The following TMEM196 variants were observed in gnomAD, a reference collection of about 807,000 sequenced individuals.
The protein encoded by TMEM196 is transmembrane protein 196.
TMEM196 carries 17 observed loss-of-function variants against 20.0 expected under a neutral mutation model. The observed-to-expected ratio is 0.85, with a 90% confidence interval of 0.58 to 1.27. The LOEUF is 1.27. Ranked by LOEUF, TMEM196 falls within the 50% of genes most tolerant of loss-of-function variation. The pLI is 0.00. For synonymous variants in TMEM196, 113 were observed against 88.9 expected, an observed-to-expected ratio of 1.27 and a Z score of -1.52; for missense variants, 267 against 223.0, an observed-to-expected ratio of 1.20 and a Z score of -1.26.
At chr7:19,759,116 C>T (rs368756073) in intron 1 of TMEM196, among the ~76,000 whole-genome samples, 6 of 152,312 alleles carry the variant, frequency 3.9e-5, no homozygotes, top group East Asian at 3.9e-4. Flanking sequence ...TATCTCTACA[C>T]GGAACCCATC....
chr7:19,761,197 A>C (rs1451950915), intron 1 of TMEM196, among the ~76,000 whole-genome samples: 2 of 152,200 alleles, frequency 1.3e-5, no homozygotes, highest in Non-Finnish European at 2.9e-5. Context: ...ATTTTAGCAT[A>C]GCGTACATCT....
In TMEM196 at chr7:19,761,164, C is replaced by A. The variant is rs1785420705; in HGVS notation, c.147+11386G>T. On this transcript the variant is annotated intron_variant, in intron 1 of 4. Transcript: ENST00000405844. ...CCTCCTCAGTGGTCTTGGCTTTCAG[C>A]TTTCCCCTCTCCCAGTTCTGCAATT... Among the ~76,000 whole-genome samples the A allele has an allele frequency of 1.3e-5, 2 of 152,322 alleles. 1 individual carries two copies. The highest frequency in any genetic ancestry group is 4.1e-4 in the South Asian group (2 of 4,830).
chr7:19,764,976 T>C (rs1053298298), intron 1 of TMEM196, among the ~76,000 whole-genome samples: 5 of 152,176 alleles, frequency 3.3e-5, no homozygotes, highest in Admixed American at 1.3e-4. Context: ...AGAAAAAGTA[T>C]AGACTTTGAA....
At chr7:19,753,823 A>G (rs1467551691) in intron 1 of TMEM196, among the ~76,000 whole-genome samples, 8 of 152,144 alleles carry the variant, frequency 5.3e-5, no homozygotes, top group African/African-American at 1.9e-4. Flanking sequence ...AGAAACCAAC[A>G]TTCTCTTGGC....
chr7:19,737,783 T>C (rs1784459919), intron 1 of TMEM196, among the ~76,000 whole-genome samples: 1 of 151,938 alleles, frequency 6.6e-6, no homozygotes, highest in Admixed American at 6.6e-5. Flanking sequence ...AGGCAAAGCA[T>C]AGGGTATATA....
At chr7:19,728,449 G>C (rs1784075616) in intron 2 of TMEM196, among the ~76,000 whole-genome samples, 1 of 151,988 alleles carries the variant, frequency 6.6e-6, no homozygotes, top group Non-Finnish European at 1.5e-5. Flanking sequence ...ATCTAAAATT[G>C]CTGTCTAAAG....
chr7:19,751,072 A>T (rs1784942377), intron 1 of TMEM196, among the ~76,000 whole-genome samples: 1 of 152,168 alleles, frequency 6.6e-6, no homozygotes, highest in Admixed American at 6.5e-5. Flanking sequence ...CTTGTTAGAG[A>T]AGAAATAGGA....
At chr7:19,728,894 T>G (rs1439240994) in intron 2 of TMEM196, among the ~76,000 whole-genome samples, 4 of 151,986 alleles carry the variant, frequency 2.6e-5, no homozygotes, top group Non-Finnish European at 5.9e-5. Context: ...TAAAAGAAAA[T>G]AAAATAAATC....
At chr7:19,741,354 G>A (rs750713773) in intron 1 of TMEM196, among the ~76,000 whole-genome samples, 5 of 152,180 alleles carry the variant, frequency 3.3e-5, no homozygotes, top group African/African-American at 4.8e-5. Context: ...AACTTCAGAT[G>A]AAATGAATGA....
chr7:19,758,415 C>T (rs1420345399), intron 1 of TMEM196, among the ~76,000 whole-genome samples: 1 of 152,114 alleles, frequency 6.6e-6, no homozygotes, highest in Non-Finnish European at 1.5e-5. Flanking sequence ...CATTCCTGTT[C>T]AGTTTTGGGT....
chr7:19,757,853 T>A (rs1028600553), intron 1 of TMEM196, among the ~76,000 whole-genome samples: 1 of 151,942 alleles, frequency 6.6e-6, no homozygotes, highest in Admixed American at 6.6e-5. Context: ...CTGTACTCTA[T>A]CCATGGTTAA....
intron 1 of TMEM196, among the ~76,000 whole-genome samples, chr7:19,746,797 T>G (rs1437689263): frequency 1.3e-5 from 2 of 152,238 alleles, no homozygotes; most frequent in Non-Finnish European, 1.5e-5. Context: ...GATTTGTATA[T>G]TTTATAGCAC....
intron 1 of TMEM196, among the ~76,000 whole-genome samples, chr7:19,753,831 G>A (rs1432343011): frequency 6.6e-6 from 1 of 152,012 alleles, no homozygotes; most frequent in African/African-American, 2.4e-5. Context: ...ACATTCTCTT[G>A]GCCATTCTCA....
At chr7:19,763,396 C>G (rs1785505835) in intron 1 of TMEM196, among the ~76,000 whole-genome samples, 1 of 152,092 alleles carries the variant, frequency 6.6e-6, no homozygotes, top group South Asian at 2.1e-4. Context: ...ACTAAGAATT[C>G]CAAAAACCCT....
chr7:19,769,970 A>G (rs1288595917), intron 1 of TMEM196, among the ~76,000 whole-genome samples: 1 of 152,072 alleles, frequency 6.6e-6, no homozygotes, highest in Non-Finnish European at 1.5e-5. Context: ...TAATGACCCC[A>G]TTTTATAGAT....
chr7:19,744,637 T>G (rs961652833), intron 1 of TMEM196, among the ~76,000 whole-genome samples: 4 of 152,158 alleles, frequency 2.6e-5, no homozygotes, highest in African/African-American at 9.6e-5. Flanking sequence ...AAAAAACAAT[T>G]TATAAGATAT....
rs1784122919 is a variant in TMEM196, at chr7:19,729,512, C to T, written c.148-74G>A. 3.8e-6 allele frequency: 5 copies of T among 1,316,732 alleles called. No individual in the cohort carries two copies. The East Asian group carries it at 1.0e-4, about 27-fold the overall frequency. 81.6% of individuals were successfully genotyped at this position (1,316,732 alleles called of 1,614,324 possible). A position where few individuals can be genotyped will look rare whatever the true frequency, so the allele number is the denominator to read the frequency against. ...CCCCTAGATTTTAGCTTGTAGTTCACTCATGACACTTTCTCCAGGGAAGAT... is the reference window on the plus strand; with the variant it reads ...CCCCTAGATTTTAGCTTGTAGTTCATTCATGACACTTTCTCCAGGGAAGAT... On this transcript the variant is annotated intron_variant, in intron 1 of 4. Transcript: ENST00000405844.
intron 2 of TMEM196, among the ~76,000 whole-genome samples, 187 bp downstream of exon 2, chr7:19,729,195 A>G (rs746080174): frequency 2.0e-5 from 3 of 151,330 alleles, no homozygotes; most frequent in East Asian, 1.9e-4. Flanking sequence ...GGCTTTTGTC[A>G]TAGTTTCTAA....
intron 1 of TMEM196, among the ~76,000 whole-genome samples, chr7:19,738,393 A>G (rs1366888545): frequency 1.3e-5 from 2 of 152,086 alleles, no homozygotes; most frequent in African/African-American, 2.4e-5. Flanking sequence ...CTATTTATAT[A>G]GATGTCTATA....
Sources: gnomAD v4.1 joint callset for allele counts (sites outside exome capture counted in the v4.1 genomes callset) on GRCh38, gnomAD v4.1.1 for gene constraint, MANE v1.5 for transcripts, NCBI Gene and HGNC (gene_info 2026-07-23, HGNC 2026-07-21) for gene names.